NRXN3: variants seen among roughly 807,000 people sequenced by gnomAD.
NRXN3 encodes the protein neurexin III.
Under a neutral mutation model 137.6 loss-of-function variants are expected in NRXN3, and 32 were observed. The observed-to-expected ratio is 0.23, with a 90% CI of 0.18 to 0.31. The LOEUF (loss-of-function observed/expected upper bound fraction) is 0.31, where lower values mean the gene tolerates loss of function less well. Among genes scored for constraint, NRXN3 ranks in the 10% least tolerant of loss-of-function variants. The pLI is 1.00. For missense variants in NRXN3, 1,574 were observed against 2,062.5 expected (o/e 0.76, Z 4.59); for synonymous variants, 798 against 784.5 (o/e 1.02, Z -0.29).
chr14:78,842,330 C>CGGGGGAGA (rs1567481909), intron 10 of NRXN3, among the ~76,000 whole-genome samples: 1 of 151,796 alleles, frequency 6.6e-6, no homozygotes, highest in African/African-American at 2.4e-5. Flanking sequence ...GCTGGGTGTC[C>CGGGGGAGA]GGGGGAGACA....
At chr14:79,494,017 G>A (rs2096742384) in intron 16 of NRXN3, among the ~76,000 whole-genome samples, 1 of 152,110 alleles carries the variant, frequency 6.6e-6, no homozygotes. Flanking sequence ...ATACATGGTA[G>A]GTGTTCCATC....
intron 4 of NRXN3, among the ~76,000 whole-genome samples, chr14:78,459,659 G>T (rs912260169): frequency 6.6e-6 from 1 of 152,110 alleles, no homozygotes; most frequent in African/African-American, 2.4e-5. Flanking sequence ...GTGGGATGAT[G>T]GTGAGATTGT....
At chr14:78,308,621 T>G (rs2077611007) in intron 4 of NRXN3, among the ~76,000 whole-genome samples, 1 of 152,120 alleles carries the variant, frequency 6.6e-6, no homozygotes, top group South Asian at 2.1e-4. Context: ...AATATTTACT[T>G]AAAGATAAGC....
chr14:78,179,819 TTTTTG>T, intron 1 of NRXN3, among the ~76,000 whole-genome samples: 1 of 52,136 alleles, frequency 1.9e-5, no homozygotes, highest in South Asian at 4.8e-4. Context: ...TGTTTTTTTT[TTTTTG>T]TTTGTTTCTG....
chr14:78,790,127 C>T (rs1332936907), intron 8 of NRXN3, among the ~76,000 whole-genome samples: 1 of 152,038 alleles, frequency 6.6e-6, no homozygotes, highest in African/African-American at 2.4e-5. Flanking sequence ...TTTTAAAATT[C>T]AGTGGTAAAA....
chr14:78,729,118 G>C (rs554626534), intron 8 of NRXN3, among the ~76,000 whole-genome samples: 22 of 152,174 alleles, frequency 1.4e-4, no homozygotes, highest in Non-Finnish European at 2.6e-4. Context: ...ACATGGAGGA[G>C]TATTATTATT....
At chr14:79,658,148 T>A (rs999650090) in intron 16 of NRXN3, among the ~76,000 whole-genome samples, 2 of 152,212 alleles carry the variant, frequency 1.3e-5, no homozygotes, top group African/African-American at 4.8e-5. Context: ...GCTGTGATTG[T>A]CGAAAATGCA....
chr14:78,922,989 G>T (rs2099275211), intron 10 of NRXN3, among the ~76,000 whole-genome samples: 1 of 152,210 alleles, frequency 6.6e-6, no homozygotes, highest in Non-Finnish European at 1.5e-5. Flanking sequence ...TGGGGGAAAG[G>T]TGTCTCAGTC....
chr14:79,496,714 A>T (rs2096771184), intron 16 of NRXN3, among the ~76,000 whole-genome samples: 1 of 152,194 alleles, frequency 6.6e-6, no homozygotes, highest in Admixed American at 6.5e-5. Context: ...CTGTGATAGT[A>T]AGTTTGTTTA....
At chr14:79,825,764 C>T (rs1006851476) in intron 20 of NRXN3, among the ~76,000 whole-genome samples, 2 of 152,252 alleles carry the variant, frequency 1.3e-5, no homozygotes, top group Admixed American at 6.5e-5. Context: ...ATCATAACTA[C>T]TCACAACCCA....
chr14:78,824,103 C>CTTTT (rs11387026), intron 10 of NRXN3, among the ~76,000 whole-genome samples: 179 of 97,958 alleles, frequency 1.8e-3, no homozygotes, highest in Non-Finnish European at 2.6e-3. Flanking sequence ...TCACCTGCTT[C>CTTTT]TTTTTTTTTT....
chr14:79,512,198 C>T (rs1217371478), intron 16 of NRXN3, among the ~76,000 whole-genome samples: 1 of 152,164 alleles, frequency 6.6e-6, no homozygotes, highest in African/African-American at 2.4e-5. Flanking sequence ...TGTGCCCGGC[C>T]TTATAATAAA....
In NRXN3 at chr14:78,651,199, C is replaced by T. The variant is rs780696301; in HGVS notation, c.1094C>T (p.Thr365Met). The T allele has an allele frequency of 6.8e-6, 11 of 1,613,770 alleles. No homozygotes were observed. The highest frequency in any genetic ancestry group is 2.7e-5 in the African/African-American group (2 of 74,968). ...TISVDGILTT[T>M]GYTQEDYTML... Reference sequence around the variant, plus strand: ...TCTGTGGATGGCATTCTTACCACGACGGGCTACACTCAAGAGGACTATACC... The same window carrying T: ...TCTGTGGATGGCATTCTTACCACGATGGGCTACACTCAAGAGGACTATACC... The change falls in exon 6 of 21, where the codon ACG (threonine) becomes ATG (methionine). Residue 365 changes from threonine to methionine, a missense_variant. Thr to Met is a moderately conservative substitution (Grantham distance 81). Coordinates refer to ENST00000335750, the MANE Select transcript of NRXN3 (RefSeq NM_001330195.2).
chr14:78,803,350 T>C (rs2153081164), intron 8 of NRXN3, among the ~76,000 whole-genome samples: 1 of 152,340 alleles, frequency 6.6e-6, no homozygotes, highest in African/African-American at 2.4e-5. Flanking sequence ...CATTATTTAA[T>C]TTGGTACCCT....
chr14:79,012,477 C>A (rs993077362), intron 15 of NRXN3, among the ~76,000 whole-genome samples: 1 of 152,118 alleles, frequency 6.6e-6, no homozygotes, highest in African/African-American at 2.4e-5. Flanking sequence ...CATAATAATG[C>A]ATATGTGGAA....
intron 19 of NRXN3, among the ~76,000 whole-genome samples, chr14:79,719,861 A>G (rs186349412): frequency 6.6e-6 from 1 of 152,266 alleles, no homozygotes; most frequent in East Asian, 1.9e-4. Flanking sequence ...TCATTTCTGT[A>G]GGAGTTTTGA....
chr14:79,306,101 C>T (rs1201938272), intron 15 of NRXN3, among the ~76,000 whole-genome samples: 1 of 152,106 alleles, frequency 6.6e-6, no homozygotes, highest in Admixed American at 6.6e-5. Context: ...TTCTCTTTCT[C>T]TCTGGGGACA....
At chr14:79,176,843 G>T (rs2062393888) in intron 15 of NRXN3, among the ~76,000 whole-genome samples, 1 of 152,166 alleles carries the variant, frequency 6.6e-6, no homozygotes, top group South Asian at 2.1e-4. Context: ...TCACCCATCA[G>T]AAAGATGGAG....
intron 15 of NRXN3, among the ~76,000 whole-genome samples, chr14:79,465,947 T>C (rs60829212): frequency 0.033 from 5,082 of 152,312 alleles, 287 homozygotes; most frequent in African/African-American, 0.12. Flanking sequence ...CAACTGAAAT[T>C]AAAAATGTGT....
Sources: gnomAD v4.1 joint callset for allele counts (sites outside exome capture counted in the v4.1 genomes callset) on GRCh38, gnomAD v4.1.1 for gene constraint, MANE v1.5 for transcripts, NCBI Gene and HGNC (gene_info 2026-07-23, HGNC 2026-07-21) for gene names.